The following ZNF573 variants were observed in gnomAD, a reference collection of about 807,000 sequenced individuals.
ZNF573 encodes the protein zinc finger protein 573.
A neutral mutation model predicts 57.4 loss-of-function variants in ZNF573; 41 were observed. The observed-to-expected ratio is 0.71, with a 90% CI of 0.56 to 0.93. ZNF573 has a LOEUF of 0.93. Among genes scored for constraint, ZNF573 ranks in the 40% least tolerant of loss-of-function variants. ZNF573 has a pLI of 0.00. For synonymous variants in ZNF573, 249 were observed against 261.0 expected (o/e 0.95, Z 0.44); for missense variants, 730 against 794.8 (o/e 0.92, Z 0.98).
chr19:37,765,099 T>A (rs1045396882), intron 4 of ZNF573, among the ~76,000 whole-genome samples: 1 of 151,868 alleles, frequency 6.6e-6, no homozygotes, highest in Non-Finnish European at 1.5e-5. Context: ...AGAGATGGCG[T>A]TTCACCATGT....
intron 4 of ZNF573, among the ~76,000 whole-genome samples, chr19:37,753,007 C>T (rs990607784): frequency 6.6e-6 from 1 of 152,010 alleles, no homozygotes; most frequent in African/African-American, 2.4e-5. Context: ...GTAATCCTAA[C>T]ACTTTGGGAC....
chr19:37,773,180 G>A (rs2045674787), intron 2 of ZNF573, among the ~76,000 whole-genome samples: 1 of 152,080 alleles, frequency 6.6e-6, no homozygotes, highest in East Asian at 1.9e-4. Flanking sequence ...AAGATCCATG[G>A]TATATCTCCA....
intron 4 of ZNF573, among the ~76,000 whole-genome samples, chr19:37,745,399 T>C (rs561217721): frequency 2.0e-5 from 3 of 147,396 alleles, no homozygotes; most frequent in African/African-American, 7.5e-5. Flanking sequence ...TTAATTTTTT[T>C]GGGGGGTGGG....
At chr19:37,767,585 C>T (rs1483030517) in intron 4 of ZNF573, among the ~76,000 whole-genome samples, 2 of 152,150 alleles carry the variant, frequency 1.3e-5, no homozygotes, top group Non-Finnish European at 2.9e-5. Flanking sequence ...GCCATCTTCT[C>T]GCTTTGCTGG....
Position 37,770,012 on chromosome 19 carries a change from CTG to C in ZNF573, c.286_287del (p.Gln96ValfsTer9), listed in dbSNP as rs762380162. On this transcript the variant is annotated frameshift_variant, in exon 4 of 5. Coordinates refer to ENST00000536220, the MANE Select transcript of ZNF573 (RefSeq NM_001172690.2). LOFTEE classifies it high-confidence loss of function. ...GTCCCCTGCCTTCCTTACCTGTGAACTGTGTTTCTTCCCTCAAAATCATCCAG... is the reference window on the plus strand; with the variant it reads ...GTCCCCTGCCTTCCTTACCTGTGAACTGTTTCTTCCCTCAAAATCATCCAG... ...EPWMILREET[Q>X]FTDLDLQCEI... 253 of 1,551,616 alleles carry C rather than the reference CTG, an allele frequency of 1.6e-4. No homozygotes were observed. Among genetic ancestry groups the C allele is most frequent in the Admixed American group, 6.7e-4 (34 of 50,974 alleles).
chr19:37,753,315 T>A (rs188520258), intron 4 of ZNF573, among the ~76,000 whole-genome samples: 18 of 152,262 alleles, frequency 1.2e-4, no homozygotes, highest in East Asian at 9.6e-4. Context: ...TAATAATCAC[T>A]TCAGGGTAAA....
At chr19:37,758,417 A>G (rs989947072) in intron 4 of ZNF573, 1 of 149,824 alleles carries the variant, frequency 6.7e-6, no homozygotes, top group African/African-American at 2.5e-5. Context: ...CCTGGCCAAC[A>G]TGGTGAAACC....
intron 3 of ZNF573, among the ~76,000 whole-genome samples, chr19:37,771,127 G>C (rs2145330838): frequency 6.6e-6 from 1 of 151,280 alleles, no homozygotes; most frequent in African/African-American, 2.4e-5. Flanking sequence ...ATGTCACAGG[G>C]GTTCTTCTTA....
At chr19:37,764,063 C>CAAAAAA (rs11333523) in intron 4 of ZNF573, among the ~76,000 whole-genome samples, 3 of 105,730 alleles carry the variant, frequency 2.8e-5, no homozygotes, top group Admixed American at 1.0e-4. Context: ...AACTCTGCCT[C>CAAAAAA]AAAAAAAAAA....
intron 1 of ZNF573, among the ~76,000 whole-genome samples, chr19:37,775,012 C>CT (rs969290182): frequency 4.5e-4 from 59 of 132,118 alleles, no homozygotes; most frequent in Admixed American, 1.6e-3. Context: ...AACTCTCTCT[C>CT]TTTTTTTTTT....
intron 3 of ZNF573, 66 bp downstream of exon 3, chr19:37,771,498 T>C: frequency 6.5e-7 from 1 of 1,539,698 alleles, no homozygotes; most frequent in South Asian, 1.2e-5. Flanking sequence ...GGCCTTGAAA[T>C]TCATTGTGTT....
chr19:37,739,547 G>T lies in ZNF573; in HGVS notation c.943C>A (p.His315Asn). The change falls in exon 5 of 5, where the codon CAC becomes AAC. Residue 315 changes from histidine to asparagine, a missense_variant. Coordinates refer to ENST00000536220, the MANE Select transcript of ZNF573 (RefSeq NM_001172690.2). Reference sequence around the variant, plus strand: ...ACTCTCTGATGTACAGTAAGCTGGTGACCTCTTCTAAAGGCCTTTCCACAT... The same window carrying T: ...ACTCTCTGATGTACAGTAAGCTGGTTACCTCTTCTAAAGGCCTTTCCACAT... ...EKCGKAFRRG[H>N]QLTVHQRVHT... 1 of 1,612,606 alleles carries T rather than the reference G, an allele frequency of 6.2e-7. No homozygotes were observed. The highest frequency in any genetic ancestry group is 1.1e-5 in the South Asian group (1 of 90,840).
chr19:37,762,150 T>A (rs2045559074), intron 4 of ZNF573, among the ~76,000 whole-genome samples: 1 of 152,244 alleles, frequency 6.6e-6, no homozygotes, highest in South Asian at 2.1e-4. Context: ...GGGCTTGAAT[T>A]TAATCATAAG....
At chr19:37,741,828 C>A (rs970449039) in intron 4 of ZNF573, among the ~76,000 whole-genome samples, 33 of 152,088 alleles carry the variant, frequency 2.2e-4, no homozygotes, top group African/African-American at 8.0e-4. Context: ...CTGGCCAGGG[C>A]AATCAGGCAA....
At chr19:37,757,253 GTC>G (rs2045497354) in intron 4 of ZNF573, among the ~76,000 whole-genome samples, 1 of 152,002 alleles carries the variant, frequency 6.6e-6, no homozygotes, top group Non-Finnish European at 1.5e-5. Flanking sequence ...CTAGAGTACA[GTC>G]GCATGATCTT....
intron 4 of ZNF573, among the ~76,000 whole-genome samples, chr19:37,746,229 AT>A (rs769253942): frequency 5.3e-5 from 8 of 152,210 alleles, no homozygotes; most frequent in Non-Finnish European, 1.2e-4. Flanking sequence ...TTGACTGAAA[AT>A]TATAAGGCCA....
Position 37,770,056 on chromosome 19 carries a change from C to T in ZNF573, c.244G>A (p.Glu82Lys). The T allele has an allele frequency of 1.3e-6, 2 of 1,551,820 alleles. No individual in the cohort carries two copies. The highest frequency in any genetic ancestry group is 1.7e-6 in the Non-Finnish European group (2 of 1,147,148). The change falls in exon 4 of 5, where the codon GAG (glutamate) becomes AAG (lysine). Residue 82 changes from glutamate (E) to lysine (K), a missense_variant. Coordinates refer to ENST00000536220, the MANE Select transcript of ZNF573 (RefSeq NM_001172690.2). ...ATCATCCAGGGCTCTTTTCCTCGCT[C>T]CAGTAAATCAACCACAACTGGTTTA... Reference protein sequence around the residue: ...ISKPVVVDLLERGKEPWMILR... With the variant: ...ISKPVVVDLLKRGKEPWMILR...
intron 1 of ZNF573, 22 bp downstream of exon 1, chr19:37,779,522 T>G (rs1396779667): frequency 1.3e-5 from 2 of 152,148 alleles, no homozygotes; most frequent in African/African-American, 4.8e-5. Context: ...GCCTGTTATA[T>G]ACTGAAATGA....
intron 4 of ZNF573, among the ~76,000 whole-genome samples, chr19:37,762,560 C>T (rs1416249374): frequency 6.6e-6 from 1 of 152,088 alleles, no homozygotes; most frequent in Non-Finnish European, 1.5e-5. Flanking sequence ...CAGAATGTGT[C>T]AACTATGTTA....
Sources: allele counts gnomAD v4.1 joint callset (sites outside exome capture counted in the v4.1 genomes callset), GRCh38; gene constraint gnomAD v4.1.1; transcripts MANE v1.5; gene names NCBI Gene and HGNC (gene_info 2026-07-23, HGNC 2026-07-21).